The following SLC36A1 variants were observed in gnomAD, a reference collection of about 807,000 sequenced individuals.
SLC36A1 encodes solute carrier family 36 member 1.
SLC36A1 carries 30 observed loss-of-function variants against 47.5 expected under a neutral mutation model. The ratio of observed to expected loss-of-function variants is 0.63; its 90% CI spans 0.47 to 0.86. The LOEUF is 0.86. Ranked by LOEUF, SLC36A1 falls within the 40% of genes least tolerant of loss-of-function variation. The pLI is 0.00. For synonymous variants in SLC36A1, 255 were observed against 249.7 expected, an observed-to-expected ratio of 1.02 and a Z score of -0.20; for missense variants, 517 against 606.0, an observed-to-expected ratio of 0.85 and a Z score of 1.54.
At chr5:151,427,784 C>T in the SLC36A1 span, among the ~76,000 whole-genome samples, 15 of 152,176 alleles carry the variant, frequency 9.9e-5, no homozygotes, top group Non-Finnish European at 1.6e-4. Flanking sequence ...ATAAGGCGAG[C>T]TCCCTGCCAC....
the SLC36A1 span, among the ~76,000 whole-genome samples, chr5:151,402,326 C>A: frequency 6.6e-6 from 1 of 152,164 alleles, no homozygotes; most frequent in African/African-American, 2.4e-5. Flanking sequence ...ACCAACCTTG[C>A]ATCCCAGGAA....
the SLC36A1 span, among the ~76,000 whole-genome samples, chr5:151,541,504 G>A: frequency 6.6e-6 from 1 of 152,074 alleles, no homozygotes; most frequent in African/African-American, 2.4e-5. Context: ...GGAATTTCAG[G>A]CTCATGGGCT....
chr5:151,360,707 G>A, the SLC36A1 span, among the ~76,000 whole-genome samples: 1 of 152,120 alleles, frequency 6.6e-6, no homozygotes, highest in Non-Finnish European at 1.5e-5. Flanking sequence ...TCATAGAAAG[G>A]TCCATTTTGT....
the SLC36A1 span, among the ~76,000 whole-genome samples, chr5:151,429,862 A>G: frequency 6.6e-6 from 1 of 152,204 alleles, no homozygotes; most frequent in Non-Finnish European, 1.5e-5. Context: ...TAGACCTTCA[A>G]GGACAGATGA....
chr5:151,488,006 C>T lies in SLC36A1; in HGVS notation c.1183C>T (p.Arg395Cys), dbSNP rs191784469. The change falls in exon 11 of 11, where the codon CGC becomes TGC. Residue 395 changes from arginine (R) to cysteine (C), a missense_variant. Arg to Cys is a radical substitution (Grantham distance 180). Transcript: ENST00000243389. ...AGGCATCTTGGCCATCCTCATCCCCCGCCTGGACCTGGTCATCTCCCTGGT... is the reference window on the plus strand; with the variant it reads ...AGGCATCTTGGCCATCCTCATCCCCTGCCTGGACCTGGTCATCTCCCTGGT... ...LTCILAILIP[R>C]LDLVISLVGS... 27 of 1,614,116 alleles carry T rather than the reference C, an allele frequency of 1.7e-5. No individual in the cohort carries two copies. Among genetic ancestry groups the T allele is most frequent in the African/African-American group, 2.7e-5 (2 of 75,046 alleles).
chr5:151,382,820 C>T, the SLC36A1 span, among the ~76,000 whole-genome samples: 1 of 152,224 alleles, frequency 6.6e-6, no homozygotes, highest in Non-Finnish European at 1.5e-5. Context: ...AGCCATCTTT[C>T]ACTTGAAGCA....
At chr5:151,387,120 T>A in the SLC36A1 span, 21,858 of 152,320 alleles carry the variant, frequency 0.14, 1,953 homozygotes, top group East Asian at 0.38. Flanking sequence ...GTTCAGCACT[T>A]GCACACCCAG....
At chr5:151,537,981 G>A in the SLC36A1 span, 7 of 1,603,036 alleles carry the variant, frequency 4.4e-6, no homozygotes, top group African/African-American at 5.4e-5. Flanking sequence ...GGGAGACTGT[G>A]GGGACTGCAT....
chr5:151,543,310 T>C, the SLC36A1 span: 2 of 1,614,198 alleles, frequency 1.2e-6, no homozygotes, highest in Admixed American at 3.3e-5. Context: ...GGCCAACACC[T>C]GGATAACCGG....
the SLC36A1 span, among the ~76,000 whole-genome samples, chr5:151,536,120 T>G: frequency 6.6e-6 from 1 of 152,194 alleles, no homozygotes; most frequent in African/African-American, 2.4e-5. Flanking sequence ...AGTCCTTATC[T>G]GTGGAGGAAG....
the SLC36A1 span, chr5:151,534,399 T>C: frequency 1.3e-6 from 2 of 1,596,656 alleles, no homozygotes; most frequent in South Asian, 2.2e-5. Context: ...TCAATCCTTC[T>C]CAGACTCACC....
At chr5:151,482,313 C>G (rs1264560781) in intron 10 of SLC36A1, among the ~76,000 whole-genome samples, 7 of 152,134 alleles carry the variant, frequency 4.6e-5, no homozygotes, top group Non-Finnish European at 8.8e-5. Context: ...CTCATAAGGC[C>G]TCAGGGTCCT....
chr5:151,532,089 G>A, the SLC36A1 span: 1 of 1,352,506 alleles, frequency 7.4e-7, no homozygotes, highest in Non-Finnish European at 1.0e-6. Context: ...CGGACAAGCT[G>A]GCTTGGGTAT....
At chr5:151,543,355 G>A in the SLC36A1 span, 4 of 1,614,090 alleles carry the variant, frequency 2.5e-6, no homozygotes, top group Middle Eastern at 1.6e-4. Flanking sequence ...AATGGATACT[G>A]TGTACTCAGA....
chr5:151,507,114 C>A, the SLC36A1 span: 2 of 1,505,844 alleles, frequency 1.3e-6, no homozygotes, highest in Non-Finnish European at 1.8e-6. Flanking sequence ...CCACCCACTT[C>A]CATCAATCCC....
chr5:151,462,489 C>T (rs375753485), intron 2 of SLC36A1, among the ~76,000 whole-genome samples: 4 of 151,620 alleles, frequency 2.6e-5, no homozygotes, highest in South Asian at 2.1e-4. Flanking sequence ...CTCAGCCTCC[C>T]GAGTAGCTGG....
the SLC36A1 span, chr5:151,538,037 C>T: frequency 1.7e-6 from 2 of 1,161,120 alleles, no homozygotes; most frequent in Non-Finnish European, 1.2e-6. Context: ...GAGGCAGAAG[C>T]AGAAAGAGAG....
At chr5:151,551,358 G>T in the SLC36A1 span, 2 of 1,144,514 alleles carry the variant, frequency 1.7e-6, no homozygotes, top group East Asian at 2.4e-5. Flanking sequence ...TCTAAATTCA[G>T]TGTTCCTTGA....
chr5:151,414,262 G>A, the SLC36A1 span, among the ~76,000 whole-genome samples: 22 of 152,282 alleles, frequency 1.4e-4, 1 homozygote, highest in South Asian at 2.9e-3. Flanking sequence ...ATTTGGATAC[G>A]TGGAGATGAG....
Sources: allele counts gnomAD v4.1 joint callset (sites outside exome capture counted in the v4.1 genomes callset), GRCh38; gene constraint gnomAD v4.1.1; transcripts MANE v1.5; gene names NCBI Gene and HGNC (gene_info 2026-07-23, HGNC 2026-07-21).